RAPGEF6: variants seen among roughly 807,000 people sequenced by gnomAD.
RAPGEF6 encodes the protein PDZ domain containing guanine nucleotide exchange factor (GEF) 2.
RAPGEF6 carries 56 observed loss-of-function variants against 171.4 expected under a neutral mutation model. The ratio of observed to expected loss-of-function variants is 0.33; its 90% CI spans 0.26 to 0.41. The LOEUF (loss-of-function observed/expected upper bound fraction) is 0.41, where lower values mean the gene tolerates loss of function less well. RAPGEF6 is among the 10% of genes least tolerant of loss of function. The probability of loss-of-function intolerance (pLI) is 1.00; values close to 1 mark genes in which losing one functional copy is unlikely to be tolerated. For missense variants in RAPGEF6, 1,674 were observed against 1,921.4 expected (o/e 0.87, Z 2.41); for synonymous variants, 692 against 650.1 (o/e 1.06, Z -0.98).
chr5:131,634,302 T>C (rs1250210862), intron 1 of RAPGEF6, among the ~76,000 whole-genome samples: 2 of 151,280 alleles, frequency 1.3e-5, no homozygotes, highest in African/African-American at 4.9e-5. Flanking sequence ...GTTTTAGTTA[T>C]ATGCCTGAAA....
At chr5:131,430,494 T>C (rs1272911876) in intron 26 of RAPGEF6, among the ~76,000 whole-genome samples, 1 of 152,222 alleles carries the variant, frequency 6.6e-6, no homozygotes, top group Non-Finnish European at 1.5e-5. Context: ...CACGTATGCA[T>C]ACCAATTGTG....
At chr5:131,450,022 C>A in intron 21 of RAPGEF6, 1 of 1,542,852 alleles carries the variant, frequency 6.5e-7, no homozygotes, top group Non-Finnish European at 8.7e-7. Flanking sequence ...TCTACACTTA[C>A]CCCAGACTCC....
At chr5:131,454,897 C>A (rs1022389844) in intron 20 of RAPGEF6, among the ~76,000 whole-genome samples, 1 of 152,194 alleles carries the variant, frequency 6.6e-6, no homozygotes, top group African/African-American at 2.4e-5. Context: ...AAGCTAACTT[C>A]TCAACATTAA....
At chr5:131,451,067 A>G (rs1194177220) in intron 21 of RAPGEF6, among the ~76,000 whole-genome samples, 1 of 152,242 alleles carries the variant, frequency 6.6e-6, no homozygotes, top group Non-Finnish European at 1.5e-5. Context: ...GTACAAGGAC[A>G]TACAACAAAA....
intron 6 of RAPGEF6, among the ~76,000 whole-genome samples, chr5:131,526,012 T>C (rs1324807999): frequency 1.3e-5 from 2 of 152,196 alleles, no homozygotes; most frequent in Non-Finnish European, 2.9e-5. Context: ...AAGTAAGCAG[T>C]AGAGTTGGGA....
rs115859010 is a variant in RAPGEF6, at chr5:131,600,990, C to T, written c.197+2281G>A. 3.5e-3 allele frequency among the ~76,000 whole-genome samples: 524 copies of T among 150,764 alleles called. 4 individuals carry two copies. The highest frequency in any genetic ancestry group is 0.012 in the African/African-American group (506 of 40,948). ...GAGCAAAAAGAGCTGGGTGTAGTGG[C>T]GTATGCCTGTAATCCTCGGGAGTCT... On this transcript the variant is annotated intron_variant, in intron 3 of 27. Coordinates refer to ENST00000509018, the MANE Select transcript of RAPGEF6 (RefSeq NM_016340.6).
chr5:131,524,668 T>C (rs945575130), intron 6 of RAPGEF6, among the ~76,000 whole-genome samples: 11 of 149,814 alleles, frequency 7.3e-5, no homozygotes, highest in African/African-American at 2.7e-4. Flanking sequence ...TACGCTGGAG[T>C]GCAGCGGCGC....
At chr5:131,563,768 G>A (rs1027867485) in intron 4 of RAPGEF6, among the ~76,000 whole-genome samples, 1 of 152,156 alleles carries the variant, frequency 6.6e-6, no homozygotes, top group African/African-American at 2.4e-5. Context: ...GCCTCCCAAA[G>A]TGCTAGGATT....
chr5:131,501,848 G>T (rs890270170), intron 11 of RAPGEF6, among the ~76,000 whole-genome samples: 1 of 152,080 alleles, frequency 6.6e-6, no homozygotes, highest in Non-Finnish European at 1.5e-5. Context: ...ACTCATGGTT[G>T]TTTAATATAT....
At chr5:131,432,632 C>T (rs1751780519) in intron 25 of RAPGEF6, among the ~76,000 whole-genome samples, 1 of 149,404 alleles carries the variant, frequency 6.7e-6, no homozygotes, top group South Asian at 2.1e-4. Context: ...GAGCGAGACT[C>T]CGCCTTAAAA....
intron 1 of RAPGEF6, among the ~76,000 whole-genome samples, chr5:131,610,929 T>C (rs1764899097): frequency 6.6e-6 from 1 of 152,216 alleles, no homozygotes; most frequent in Admixed American, 6.5e-5. Flanking sequence ...AAAATCCCTA[T>C]TACGGGGCTC....
chr5:131,569,053 T>C (rs1202105052), intron 4 of RAPGEF6, among the ~76,000 whole-genome samples: 2 of 152,012 alleles, frequency 1.3e-5, no homozygotes, highest in Non-Finnish European at 2.9e-5. Context: ...CACTGAAAAA[T>C]ACAAAATATT....
intron 27 of RAPGEF6, among the ~76,000 whole-genome samples, chr5:131,428,514 G>A (rs1279524751): frequency 6.6e-6 from 1 of 151,384 alleles, no homozygotes; most frequent in Non-Finnish European, 1.5e-5. Flanking sequence ...AGGCTGGAGT[G>A]CAATGGTGCG....
At chr5:131,571,643 A>G (rs1762294504) in intron 4 of RAPGEF6, among the ~76,000 whole-genome samples, 1 of 152,216 alleles carries the variant, frequency 6.6e-6, no homozygotes, top group African/African-American at 2.4e-5. Flanking sequence ...ACTTCTCCCT[A>G]AACTGGTTTA....
intron 8 of RAPGEF6, 58 bp from the exon 9 acceptor site, chr5:131,508,265 C>T (rs973172599): frequency 3.5e-6 from 5 of 1,448,648 alleles, no homozygotes; most frequent in Non-Finnish European, 3.7e-6. Flanking sequence ...CTTAAAAATA[C>T]AACGAAATCT....
At chr5:131,530,555 TG>T in intron 6 of RAPGEF6, among the ~76,000 whole-genome samples, 1 of 152,210 alleles carries the variant, frequency 6.6e-6, no homozygotes, top group Non-Finnish European at 1.5e-5. Flanking sequence ...AAGTTTTATG[TG>T]TTTAATTGCA....
chr5:131,469,780 TAC>T lies in RAPGEF6; in HGVS notation c.2239+2805_2239+2806del, dbSNP rs760474677. The T allele has an allele frequency of 1.6e-4, 230 of 1,483,554 alleles. 2 individuals are homozygous for T. The East Asian group carries it at 4.8e-3, about 31-fold the overall frequency. 91.9% of individuals were successfully genotyped at this position (1,483,554 alleles called of 1,614,324 possible). A position where few individuals can be genotyped will look rare whatever the true frequency, so the allele number is the denominator to read the frequency against. ...CATACAAACAAGGGCAATAGAATAC[TAC>T]AGTCTTTAAGATACTTACAATAAAA... On this transcript the variant is annotated intron_variant, in intron 17 of 27. Coordinates refer to ENST00000509018, the MANE Select transcript of RAPGEF6 (RefSeq NM_016340.6).
chr5:131,463,408 G>A (rs1174604649), intron 18 of RAPGEF6, among the ~76,000 whole-genome samples: 6 of 151,860 alleles, frequency 4.0e-5, no homozygotes, highest in Non-Finnish European at 8.8e-5. Flanking sequence ...GTGAAACCTC[G>A]TCTCTACTAA....
In RAPGEF6 at chr5:131,425,331, T is replaced by TAA. The variant is rs376020713; in HGVS notation, c.*1933_*1934dup. The TAA allele has an allele frequency of 4.0e-4, 61 of 152,406 alleles. No individual in the cohort carries two copies. Among genetic ancestry groups the TAA allele is most frequent in the African/African-American group, 1.3e-3 (52 of 41,554 alleles). 9.4% of individuals were successfully genotyped at this position (152,406 alleles called of 1,614,324 possible). A position where few individuals can be genotyped will look rare whatever the true frequency, so the allele number is the denominator to read the frequency against. On this transcript the variant is annotated 3_prime_UTR_variant, in exon 28 of 28. Coordinates refer to ENST00000509018, the MANE Select transcript of RAPGEF6 (RefSeq NM_016340.6). Reference sequence around the variant, plus strand: ...GGTGAGAGTAGACATCTGAATTTGATAAAAAAAGTGGGTATAGCAAAAATA... The same window carrying TAA: ...GGTGAGAGTAGACATCTGAATTTGATAAAAAAAAAGTGGGTATAGCAAAAATA...
Sources: allele counts gnomAD v4.1 joint callset (sites outside exome capture counted in the v4.1 genomes callset), GRCh38; gene constraint gnomAD v4.1.1; transcripts MANE v1.5; gene names NCBI Gene and HGNC (gene_info 2026-07-23, HGNC 2026-07-21).